AKAP13: variants seen among roughly 807,000 people sequenced by gnomAD.
The protein encoded by AKAP13 is A-kinase anchor protein 13.
In AKAP13, 80 loss-of-function variants were observed where a neutral mutation model predicts 264.5. The observed-to-expected ratio is 0.30, with a 90% CI of 0.25 to 0.36. The LOEUF (loss-of-function observed/expected upper bound fraction) is 0.36. Ranked by LOEUF, AKAP13 falls within the 10% of genes least tolerant of loss-of-function variation. The pLI is 1.00. For synonymous variants in AKAP13, 1,380 were observed against 1,250.2 expected (o/e 1.10, Z -2.19); for missense variants, 3,712 against 3,435.2 (o/e 1.08, Z -2.01).
At chr15:85,741,986 A>T (rs938238231) in intron 35 of AKAP13, among the ~76,000 whole-genome samples, 1 of 152,102 alleles carries the variant, frequency 6.6e-6, no homozygotes, top group Non-Finnish European at 1.5e-5. Context: ...TGGGGATTGC[A>T]GCGAGCCGAG....
intron 5 of AKAP13, among the ~76,000 whole-genome samples, chr15:85,570,339 C>T (rs2078772011): frequency 6.6e-6 from 1 of 152,080 alleles, no homozygotes; most frequent in African/African-American, 2.4e-5. Context: ...GTAATCCCTG[C>T]TACTTGGGAG....
rs985476407 is a variant in AKAP13, at chr15:85,744,589, T to C, written c.8393-39T>C. The C allele has an allele frequency of 4.3e-6, 7 of 1,610,346 alleles. No individual in the cohort carries two copies. In the Admixed American group the frequency reaches 8.3e-5, roughly 19 times the overall value. ...AGGAAGTTCAATGAAAGGAGCAGTTTTTCTGAATTTTTTTCATTCTTGGTT... is the reference window on the plus strand; with the variant it reads ...AGGAAGTTCAATGAAAGGAGCAGTTCTTCTGAATTTTTTTCATTCTTGGTT... On this transcript the variant is annotated intron_variant, in intron 36 of 36. Transcript: ENST00000394518.
intron 8 of AKAP13, among the ~76,000 whole-genome samples, chr15:85,601,417 C>A (rs934012471): frequency 6.6e-6 from 1 of 152,120 alleles, no homozygotes; most frequent in Non-Finnish European, 1.5e-5. Flanking sequence ...ATTGTTTAGA[C>A]CTAATCTCAC....
At chr15:85,508,443 T>C (rs2076308330) in intron 2 of AKAP13, among the ~76,000 whole-genome samples, 1 of 144,152 alleles carries the variant, frequency 6.9e-6, no homozygotes, top group South Asian at 2.1e-4. Flanking sequence ...GTGCCTGGCC[T>C]TGTGTAGATT....
At chr15:85,605,368 A>G (rs2080276605) in intron 8 of AKAP13, among the ~76,000 whole-genome samples, 1 of 152,224 alleles carries the variant, frequency 6.6e-6, no homozygotes, top group Admixed American at 6.5e-5. Context: ...AAACTAACAC[A>G]GGAACAGAAA....
intron 16 of AKAP13, among the ~76,000 whole-genome samples, chr15:85,690,832 G>C (rs962071357): frequency 1.3e-5 from 2 of 152,196 alleles, no homozygotes; most frequent in African/African-American, 4.8e-5. Context: ...CTTAATTTCA[G>C]CTTGAGCAGT....
At chr15:85,415,145 C>G in intron 1 of AKAP13, 1 of 810,244 alleles carries the variant, frequency 1.2e-6, no homozygotes, top group Non-Finnish European at 2.0e-6. Flanking sequence ...AGGGAAATAC[C>G]TTTAAAAAAA....
In AKAP13 at chr15:85,581,754, C is replaced by G. The variant is rs767596014; in HGVS notation, c.3686C>G (p.Ser1229Cys). ...PPSGRERSTPSLPCMVSAQDA... is the reference protein window; with the variant it reads ...PPSGRERSTPCLPCMVSAQDA... ...TCAGGCAGGGAAAGGAGCACTCCCTCTCTACCTTGCATGGTCTCTGCCCAG... is the reference window on the plus strand; with the variant it reads ...TCAGGCAGGGAAAGGAGCACTCCCTGTCTACCTTGCATGGTCTCTGCCCAG... The change falls in exon 7 of 37, where the codon TCT (serine) becomes TGT (cysteine). Residue 1229 changes from serine (S) to cysteine (C), a missense_variant. Physicochemically the swap from Ser to Cys is moderately radical, Grantham distance 112. Coordinates refer to ENST00000394518, the MANE Select transcript of AKAP13 (RefSeq NM_007200.5). The G allele has an allele frequency of 1.5e-5, 24 of 1,614,090 alleles. No homozygotes were observed. In the African/African-American group the frequency reaches 2.4e-4, roughly 16 times the overall value.
intron 1 of AKAP13, among the ~76,000 whole-genome samples, chr15:85,423,215 G>A (rs184802675): frequency 8.5e-5 from 13 of 152,310 alleles, no homozygotes; most frequent in Non-Finnish European, 1.6e-4. Context: ...CAACAGTGAA[G>A]TTTGCTGCAT....
Position 85,655,638 on chromosome 15 carries a change from C to T in AKAP13, c.4596C>T (p.Asp1532=), listed in dbSNP as rs752578910. The T allele has an allele frequency of 2.5e-5, 41 of 1,614,066 alleles. No homozygotes were observed. The highest frequency in any genetic ancestry group is 3.3e-4 in the Middle Eastern group (2 of 6,084). Residue 1532 remains aspartate (D), a synonymous_variant, in exon 11 of 37, where the codon GAC becomes GAT. Coordinates refer to ENST00000394518, the MANE Select transcript of AKAP13 (RefSeq NM_007200.5). ...ESESEPADPG[D]VEEEEMDSIT... is the part of the protein sequence containing the mutation. ...AGAGTGAGCCTGCTGACCCAGGCGA[C>T]GTGGAGGAGGAGGAGATGGACAGTA...
chr15:85,509,453 G>T (rs966636437), intron 2 of AKAP13, among the ~76,000 whole-genome samples: 1 of 152,204 alleles, frequency 6.6e-6, no homozygotes, highest in Admixed American at 6.5e-5. Flanking sequence ...AACAGAACAG[G>T]ATAGCTCTGT....
chr15:85,581,711 G>C lies in AKAP13; in HGVS notation c.3643G>C (p.Val1215Leu). The change falls in exon 7 of 37, where the codon GTC (valine) becomes CTC (leucine). Residue 1215 changes from valine to leucine, a missense_variant. This residue lies in a region of AKAP13 where 2,759 missense variants were observed against 2,411.7 expected (regional missense o/e 1.14). Coordinates refer to ENST00000394518, the MANE Select transcript of AKAP13 (RefSeq NM_007200.5). The part of the protein sequence containing the change: ...DDGAPAGVRE[V>L]MRAPPSGRER... ...TGGGGCCCCAGCTGGTGTGAGGGAA[G>C]TCATGCGAGCCCCGCCTTCAGGCAG... 6.2e-7 allele frequency: 1 copy of C among 1,614,138 alleles called. No individual in the cohort carries two copies. The highest frequency in any genetic ancestry group is 8.5e-7 in the Non-Finnish European group (1 of 1,180,022).
intron 10 of AKAP13, 131 bp downstream of exon 10, chr15:85,646,085 T>A: frequency 6.0e-6 from 7 of 1,172,546 alleles, no homozygotes; most frequent in Non-Finnish European, 7.1e-6. Context: ...CTCCTGCTAG[T>A]AAGTTGTGAT....
At chr15:85,601,608 T>TGTGTGTGTGTGTGTGTGTG (rs2080075703) in intron 8 of AKAP13, among the ~76,000 whole-genome samples, 17 of 132,082 alleles carry the variant, frequency 1.3e-4, no homozygotes, top group Admixed American at 5.5e-4. Flanking sequence ...CCTGAATTCT[T>TGTGTGTGTGTGTGTGTGTG]TGTGTGTGTG....
At chr15:85,639,266 A>G in intron 8 of AKAP13, 108 bp from the exon 9 acceptor site, 5 of 789,082 alleles carry the variant, frequency 6.3e-6, no homozygotes, top group Non-Finnish European at 1.0e-5. Flanking sequence ...CTCACCCTGT[A>G]TTAAAGAAAA....
rs140072981 is a variant in AKAP13, at chr15:85,585,710, G to T, written c.4048G>T (p.Asp1350Tyr). Residue 1350 changes from aspartate (D) to tyrosine (Y), a missense_variant, in exon 8 of 37, where the codon GAC becomes TAC. Around this residue, in one of 3 missense-constraint regions of AKAP13, gnomAD observed 2,759 missense variants for 2,411.7 expected, o/e 1.14. Coordinates refer to ENST00000394518, the MANE Select transcript of AKAP13 (RefSeq NM_007200.5). ...QGPEPAAEMP[D>Y]VKAEDEVDFR... is the part of the protein sequence containing the mutation. ...CCCCCCTGCACTTTCAGAAATGCCA[G>T]ACGTGAAAGCTGAAGATGAAGTGGA... The T allele has an allele frequency of 6.2e-7, 1 of 1,614,152 alleles. No homozygotes were observed. Among genetic ancestry groups the T allele is most frequent in the East Asian group, 2.2e-5 (1 of 44,878 alleles).
chr15:85,722,983 G>C, intron 25 of AKAP13, 89 bp from the exon 26 acceptor site: 4 of 1,510,322 alleles, frequency 2.6e-6, no homozygotes, highest in Non-Finnish European at 8.9e-7. Flanking sequence ...AAAGGGAAAA[G>C]ATGATATGGA....
At chr15:85,408,831 C>T (rs1048997459) in intron 1 of AKAP13, among the ~76,000 whole-genome samples, 7 of 151,712 alleles carry the variant, frequency 4.6e-5, no homozygotes, top group African/African-American at 7.3e-5. Context: ...AGTTCTTTGG[C>T]GTATGTACCC....
At chr15:85,539,865 A>G (rs1377823004) in intron 4 of AKAP13, among the ~76,000 whole-genome samples, 4 of 152,256 alleles carry the variant, frequency 2.6e-5, no homozygotes, top group South Asian at 2.1e-4. Context: ...GAAAAGTATC[A>G]TAAGTATTCA....
Sources: allele counts gnomAD v4.1 joint callset (sites outside exome capture counted in the v4.1 genomes callset), GRCh38; gene constraint gnomAD v4.1.1; regional missense constraint gnomAD v4.1.1; transcripts MANE v1.5; gene names NCBI Gene and HGNC (gene_info 2026-07-23, HGNC 2026-07-21).